RAB10: variants seen among roughly 807,000 people sequenced by gnomAD.
RAB10 encodes the protein RAB10, member RAS oncogene family, also known as ras-related protein Rab-10.
In RAB10, 5 loss-of-function variants were observed where a neutral mutation model predicts 25.7. That is an observed-to-expected ratio of 0.19 (90% confidence interval 0.10 to 0.41). The LOEUF is 0.41. Ranked by LOEUF, RAB10 falls within the 10% of genes least tolerant of loss-of-function variation. The pLI, the probability that RAB10 is intolerant of heterozygous loss-of-function variation, is 1.00. For missense variants in RAB10, 103 were observed against 245.8 expected (o/e 0.42, Z 3.89); for synonymous variants, 89 against 86.4 (o/e 1.03, Z -0.16).
At chr2:26,052,194 A>G (rs1361141783) in intron 1 of RAB10, among the ~76,000 whole-genome samples, 1 of 152,014 alleles carries the variant, frequency 6.6e-6, no homozygotes, top group Non-Finnish European at 1.5e-5. Flanking sequence ...CCTAGGCAAC[A>G]TAGGGAGACC....
At chr2:26,075,789 T>C (rs1451062702) in intron 1 of RAB10, among the ~76,000 whole-genome samples, 1 of 152,136 alleles carries the variant, frequency 6.6e-6, no homozygotes, top group Admixed American at 6.5e-5. Context: ...ATATCTGAAT[T>C]CATTTTTCAG....
At chr2:26,097,922 AT>A (rs1426327368) in intron 1 of RAB10, among the ~76,000 whole-genome samples, 2 of 152,108 alleles carry the variant, frequency 1.3e-5, no homozygotes, top group African/African-American at 2.4e-5. Flanking sequence ...CTGCTTTATC[AT>A]TATGAAATGA....
At chr2:26,060,635 C>T (rs903747108) in intron 1 of RAB10, among the ~76,000 whole-genome samples, 1 of 152,038 alleles carries the variant, frequency 6.6e-6, no homozygotes, top group Non-Finnish European at 1.5e-5. Context: ...CTTATTTTGC[C>T]AGTGAGAAAA....
chr2:26,050,078 C>T (rs1356822039), intron 1 of RAB10, among the ~76,000 whole-genome samples: 1 of 152,164 alleles, frequency 6.6e-6, no homozygotes, highest in Non-Finnish European at 1.5e-5. Flanking sequence ...CTCCTGTATG[C>T]GATACCCTGT....
At chr2:26,060,201 A>G (rs942904776) in intron 1 of RAB10, among the ~76,000 whole-genome samples, 1 of 152,156 alleles carries the variant, frequency 6.6e-6, no homozygotes, top group African/African-American at 2.4e-5. Flanking sequence ...TTATTGAACA[A>G]CTGCTGTGTG....
chr2:26,065,583 ACATT>A (rs1182153561), intron 1 of RAB10, among the ~76,000 whole-genome samples: 1 of 152,190 alleles, frequency 6.6e-6, no homozygotes, highest in Non-Finnish European at 1.5e-5. Context: ...ATTTTAAAAA[ACATT>A]CAACCAAAAA....
intron 2 of RAB10, among the ~76,000 whole-genome samples, chr2:26,105,361 A>G (rs572521870): frequency 6.6e-5 from 10 of 152,204 alleles, no homozygotes; most frequent in Admixed American, 5.2e-4. Flanking sequence ...CAAGAAGAGA[A>G]TGCAGTCGGC....
chr2:26,105,418 A>C (rs777210383), intron 2 of RAB10, among the ~76,000 whole-genome samples: 1 of 152,148 alleles, frequency 6.6e-6, no homozygotes, highest in Non-Finnish European at 1.5e-5. Context: ...TGGGAGGCCG[A>C]GGCAGGCAGA....
chr2:26,111,629 CT>C (rs1667574705), intron 3 of RAB10, among the ~76,000 whole-genome samples: 1 of 151,364 alleles, frequency 6.6e-6, no homozygotes, highest in Non-Finnish European at 1.5e-5. Context: ...AAATACAAAT[CT>C]TAAAACAAAA....
intron 1 of RAB10, among the ~76,000 whole-genome samples, chr2:26,079,235 A>G (rs1177693728): frequency 1.3e-5 from 2 of 151,874 alleles, no homozygotes; most frequent in African/African-American, 4.8e-5. Flanking sequence ...GATAAAAAGA[A>G]CCACATACAT....
chr2:26,035,049 T>TA (rs1310297765), intron 1 of RAB10, among the ~76,000 whole-genome samples: 1 of 152,204 alleles, frequency 6.6e-6, no homozygotes, highest in Non-Finnish European at 1.5e-5. Context: ...TGCGTGGAAT[T>TA]AGTAGATGTG....
intron 1 of RAB10, among the ~76,000 whole-genome samples, chr2:26,088,526 G>C (rs927198690): frequency 1.4e-4 from 22 of 152,232 alleles, no homozygotes; most frequent in African/African-American, 5.1e-4. Context: ...GGCTTTTCTA[G>C]CATCTCTTAT....
intron 1 of RAB10, among the ~76,000 whole-genome samples, chr2:26,062,707 G>A (rs897554342): frequency 2.1e-4 from 23 of 111,572 alleles, no homozygotes; most frequent in Admixed American, 1.9e-3. Context: ...AATAAATAAA[G>A]GAAAGGAAAA....
chr2:26,105,352 A>G (rs1221378555), intron 2 of RAB10, among the ~76,000 whole-genome samples: 1 of 152,138 alleles, frequency 6.6e-6, no homozygotes, highest in Non-Finnish European at 1.5e-5. Flanking sequence ...AAAGTGTTAC[A>G]AGAAGAGAAT....
At chr2:26,106,948 T>G (rs1384723982) in intron 2 of RAB10, among the ~76,000 whole-genome samples, 4 of 147,114 alleles carry the variant, frequency 2.7e-5, no homozygotes, top group African/African-American at 1.0e-4. Context: ...CTTTGGAACA[T>G]AAGACTACGT....
At chr2:26,035,674 T>G (rs76341053) in intron 1 of RAB10, among the ~76,000 whole-genome samples, 1,655 of 152,284 alleles carry the variant, frequency 0.011, 33 homozygotes, top group African/African-American at 0.037. Context: ...CGCAATAAAT[T>G]TCTTAAAAGA....
chr2:26,124,551 C>T (rs1339177472), intron 3 of RAB10, among the ~76,000 whole-genome samples: 2 of 151,150 alleles, frequency 1.3e-5, no homozygotes, highest in Non-Finnish European at 3.0e-5. Flanking sequence ...CAGGCATGAG[C>T]CCCCGTGCTC....
intron 1 of RAB10, among the ~76,000 whole-genome samples, chr2:26,064,770 G>C (rs1666479024): frequency 6.6e-6 from 1 of 152,136 alleles, no homozygotes; most frequent in Non-Finnish European, 1.5e-5. Context: ...GTTTGGGCTG[G>C]GTGTGGTGGC....
chr2:26,039,029 T>G (rs1241284663), intron 1 of RAB10, among the ~76,000 whole-genome samples: 1 of 150,994 alleles, frequency 6.6e-6, no homozygotes, highest in Non-Finnish European at 1.5e-5. Flanking sequence ...TTTTTTTTTT[T>G]TTTTTTAAGA....
Sources: gnomAD v4.1 joint callset for allele counts (sites outside exome capture counted in the v4.1 genomes callset) on GRCh38, gnomAD v4.1.1 for gene constraint, MANE v1.5 for transcripts, NCBI Gene and HGNC (gene_info 2026-07-23, HGNC 2026-07-21) for gene names.